Variants in TBCE observed in about 807,000 individuals in gnomAD.
TBCE encodes the protein tubulin-specific chaperone E.
In TBCE, 53 loss-of-function variants were observed where a neutral mutation model predicts 77.0. The ratio of observed to expected loss-of-function variants is 0.69; its 90% CI spans 0.55 to 0.87. TBCE has a LOEUF of 0.87. TBCE is among the 40% of genes least tolerant of loss of function. TBCE has a pLI of 0.00. For synonymous variants in TBCE, 235 were observed against 241.3 expected (o/e 0.97, Z 0.24); for missense variants, 624 against 622.4 (o/e 1.00, Z -0.03).
chr1:235,448,847 C>A lies in TBCE; in HGVS notation c.*85C>A. On this transcript the variant is annotated 3_prime_UTR_variant, in exon 17 of 17. Transcript: ENST00000642610. Reference sequence around the variant, plus strand: ...TAAATGATTCACTGGAACAATTCTACTGTCAAAACAAAGGGGGTTTACAAC... The same window carrying A: ...TAAATGATTCACTGGAACAATTCTAATGTCAAAACAAAGGGGGTTTACAAC... 9.7e-7 allele frequency: 1 copy of A among 1,030,464 alleles called. No homozygotes were observed. The highest frequency in any genetic ancestry group is 1.5e-6 in the Non-Finnish European group (1 of 666,760). 63.8% of individuals were successfully genotyped at this position (1,030,464 alleles called of 1,614,324 possible). A position where few individuals can be genotyped will look rare whatever the true frequency, so the allele number is the denominator to read the frequency against.
rs1682955448 is a variant in TBCE at position 235,452,320 on chromosome 1, A to T, written c.*3558A>T. The T allele has an allele frequency of 6.6e-6, 1 of 152,166 alleles. No homozygotes were observed. The allele number at this position is 152,166 out of a possible 1,614,324, so 9.4% of individuals were successfully genotyped here. A position where few individuals can be genotyped will look rare whatever the true frequency, so the allele number is the denominator to read the frequency against. ...AAATAATTTCTGATCAAATCTATGG[A>T]AACTGAGTTTTTTTGTAGGCAGGGG... On this transcript the variant is annotated 3_prime_UTR_variant, in exon 17 of 17. Coordinates refer to ENST00000642610, the MANE Select transcript of TBCE (RefSeq NM_003193.5).
intron 2 of TBCE, among the ~76,000 whole-genome samples, chr1:235,386,806 G>GTCAT (rs1246698054): frequency 6.6e-6 from 1 of 152,178 alleles, no homozygotes; most frequent in African/African-American, 2.4e-5. Flanking sequence ...ATTTGTCAAA[G>GTCAT]TCATTCTCTG....
intron 9 of TBCE, 130 bp downstream of exon 9, chr1:235,435,970 C>T (rs1681420579): frequency 3.4e-6 from 3 of 874,914 alleles, no homozygotes; most frequent in South Asian, 3.0e-5. Context: ...TGAGTAATTC[C>T]CTTTGGGAAA....
At chr1:235,435,704 A>G in intron 8 of TBCE, 41 bp from the exon 9 acceptor site, 1 of 1,545,632 alleles carries the variant, frequency 6.5e-7, no homozygotes, top group Non-Finnish European at 8.9e-7. Context: ...AAAACAATTA[A>G]GAGATAAATT....
At chr1:235,392,162 AAAATAAAT>A (rs970521573) in intron 2 of TBCE, among the ~76,000 whole-genome samples, 1 of 151,646 alleles carries the variant, frequency 6.6e-6, no homozygotes, top group African/African-American at 2.4e-5. Context: ...GTCTCTAGCA[AAAATAAAT>A]AAATAAATAA....
In TBCE at chr1:235,434,258, A is replaced by T; in HGVS notation, c.715A>T (p.Asn239Tyr). 6.2e-7 allele frequency: 1 copy of T among 1,614,158 alleles called. No homozygotes were observed. Among genetic ancestry groups the T allele is most frequent in the Non-Finnish European group, 8.5e-7 (1 of 1,180,018 alleles). The change falls in exon 8 of 17, where the codon AAC (asparagine) becomes TAC (tyrosine). Residue 239 changes from asparagine to tyrosine, a missense_variant. Coordinates refer to ENST00000642610, the MANE Select transcript of TBCE (RefSeq NM_003193.5). ...CCTGGAGGAACTCTACCTTGAGTCTAACAACATTTTCATTTCCGAAAGGTA... is the reference window on the plus strand; with the variant it reads ...CCTGGAGGAACTCTACCTTGAGTCTTACAACATTTTCATTTCCGAAAGGTA... The part of the protein sequence containing the change: ...PGLEELYLES[N>Y]NIFISERPTD...
intron 2 of TBCE, among the ~76,000 whole-genome samples, chr1:235,389,902 C>T (rs1258916389): frequency 1.3e-5 from 2 of 151,990 alleles, no homozygotes; most frequent in East Asian, 1.9e-4. Flanking sequence ...GGCTGTAGAT[C>T]ACTTGAAGTC....
chr1:235,368,809 A>C (rs1572292310), intron 1 of TBCE, among the ~76,000 whole-genome samples: 1 of 151,102 alleles, frequency 6.6e-6, no homozygotes, highest in Non-Finnish European at 1.5e-5. Context: ...CAGGTGATCC[A>C]CCTGCTTCAG....
Position 235,448,219 on chromosome 1 carries a change from T to TC in TBCE, c.1400-129dup, listed in dbSNP as rs1185471235. On this transcript the variant is annotated intron_variant, in intron 15 of 16. Coordinates refer to ENST00000642610, the MANE Select transcript of TBCE (RefSeq NM_003193.5). ...ACTTAAGTAAGTAAGTAAGTCAGTC[T>TC]CAAAAAAAAAAAAAAAAAAAAGACA... is the stretch of plus-strand genomic sequence containing the variant. The TC allele has an allele frequency of 6.7e-4, 417 of 626,222 alleles. 1 individual carries two copies. In the African/African-American group the frequency reaches 0.016, roughly 24 times the overall value. 38.8% of individuals were successfully genotyped at this position (626,222 alleles called of 1,614,324 possible).
At chr1:235,387,365 T>C (rs937888215) in intron 2 of TBCE, among the ~76,000 whole-genome samples, 1 of 152,214 alleles carries the variant, frequency 6.6e-6, no homozygotes, top group Admixed American at 6.5e-5. Context: ...CAGAGGTTAC[T>C]GCTGCCTTTT....
At chr1:235,436,314 A>C in intron 9 of TBCE, 72 bp from the exon 10 acceptor site, 1 of 1,474,094 alleles carries the variant, frequency 6.8e-7, no homozygotes, top group Non-Finnish European at 9.5e-7. Flanking sequence ...AAATTTACAA[A>C]CCGAGTCTGG....
chr1:235,410,736 C>T (rs1480915807), intron 3 of TBCE, among the ~76,000 whole-genome samples: 1 of 152,134 alleles, frequency 6.6e-6, no homozygotes. Context: ...AACCCTTAAT[C>T]CTAAGGGCTG....
chr1:235,445,253 C>G (rs1193803078), intron 15 of TBCE, among the ~76,000 whole-genome samples: 1 of 152,172 alleles, frequency 6.6e-6, no homozygotes, highest in African/African-American at 2.4e-5. Flanking sequence ...CACTCACTCA[C>G]TCATACAAAG....
chr1:235,411,120 A>G (rs1679758825), intron 3 of TBCE, among the ~76,000 whole-genome samples: 1 of 152,348 alleles, frequency 6.6e-6, no homozygotes, highest in Admixed American at 6.5e-5. Flanking sequence ...CAATTCCAAT[A>G]TGTGCCCAGA....
At chr1:235,394,792 A>C (rs1678629909) in intron 2 of TBCE, among the ~76,000 whole-genome samples, 1 of 152,060 alleles carries the variant, frequency 6.6e-6, no homozygotes. Flanking sequence ...AGCTCACTGA[A>C]GCCTCAACCT....
intron 2 of TBCE, among the ~76,000 whole-genome samples, chr1:235,388,739 A>G (rs978896375): frequency 7.2e-5 from 11 of 152,224 alleles, no homozygotes; most frequent in Admixed American, 6.5e-5. Flanking sequence ...ATTTACACTT[A>G]GAAAGTTTAG....
In TBCE at chr1:235,450,457, TA is replaced by T; in HGVS notation, c.*1697del. ...AATGATGCTGAAATTATTTCAAGGATAACTCCGTGTGTGGAACAACTGGTGA... is the reference window on the plus strand; with the variant it reads ...AATGATGCTGAAATTATTTCAAGGATACTCCGTGTGTGGAACAACTGGTGA... On this transcript the variant is annotated 3_prime_UTR_variant, in exon 17 of 17. Transcript: ENST00000642610. 1 of 1,287,546 alleles carries T rather than the reference TA, an allele frequency of 7.8e-7. No homozygotes were observed. Among genetic ancestry groups the T allele is most frequent in the East Asian group, 2.4e-5 (1 of 42,376 alleles). 79.8% of individuals were successfully genotyped at this position (1,287,546 alleles called of 1,614,324 possible).
At chr1:235,423,103 TC>T (rs1680492556) in intron 5 of TBCE, among the ~76,000 whole-genome samples, 1 of 152,198 alleles carries the variant, frequency 6.6e-6, no homozygotes, top group Admixed American at 6.5e-5. Flanking sequence ...AATCCAGTCA[TC>T]CTTTTTTGGG....
intron 2 of TBCE, among the ~76,000 whole-genome samples, chr1:235,387,830 A>G (rs923829607): frequency 6.6e-6 from 1 of 152,152 alleles, no homozygotes; most frequent in African/African-American, 2.4e-5. Context: ...TGCAAGAAAG[A>G]ATTCAGGGCC....
Sources: allele counts gnomAD v4.1 joint callset (sites outside exome capture counted in the v4.1 genomes callset), GRCh38; gene constraint gnomAD v4.1.1; transcripts MANE v1.5; gene names NCBI Gene and HGNC (gene_info 2026-07-23, HGNC 2026-07-21).